FCER1A: variants seen among roughly 807,000 people sequenced by gnomAD.
FCER1A encodes the protein Fc epsilon receptor Ia.
Under a neutral mutation model 23.6 loss-of-function variants are expected in FCER1A, and 24 were observed. That is an observed-to-expected ratio of 1.02 (90% CI 0.74 to 1.43). The LOEUF (loss-of-function observed/expected upper bound fraction) is 1.43, where lower values mean the gene tolerates loss of function less well. Ranked by LOEUF, FCER1A falls within the 40% of genes most tolerant of loss-of-function variation. FCER1A has a pLI of 0.00. For synonymous variants in FCER1A, 121 were observed against 108.8 expected, an observed-to-expected ratio of 1.11 and a Z score of -0.70; for missense variants, 318 against 294.5, an observed-to-expected ratio of 1.08 and a Z score of -0.58.
upstream of FCER1A, among the ~76,000 whole-genome samples, chr1:159,302,091 C>T (rs1652445940): frequency 6.6e-6 from 1 of 152,142 alleles, no homozygotes; most frequent in Admixed American, 6.6e-5. Context: ...TTAAGAAAGG[C>T]TTGTGATTGT....
chr1:159,302,577 A>G (rs1025578633), intron 1 of FCER1A, among the ~76,000 whole-genome samples, 158 bp downstream of exon 1: 1 of 152,334 alleles, frequency 6.6e-6, no homozygotes, highest in Middle Eastern at 3.4e-3. Context: ...GCTAGAAAGC[A>G]GAGGCAAGTG....
chr1:159,302,520 A>T lies in FCER1A; in HGVS notation c.55+101A>T, dbSNP rs1000856592. On this transcript the variant is annotated intron_variant, in intron 1 of 4. Transcript: ENST00000693622. ...TGTGGGTGGTGACTTTTTCTAGGAC[A>T]TGTGCAAACTATTGGGCATTTCCCA... 40 of 865,062 alleles carry T rather than the reference A, an allele frequency of 4.6e-5. No homozygotes were observed. In the Middle Eastern group the frequency reaches 8.8e-4, roughly 19 times the overall value. 53.6% of individuals were successfully genotyped at this position (865,062 alleles called of 1,614,324 possible). A position where few individuals can be genotyped will look rare whatever the true frequency, so the allele number is the denominator to read the frequency against.
At position 159,302,841 on chromosome 1, in the gene FCER1A, T is replaced by G; in HGVS notation, c.56-13T>G. The G allele has an allele frequency of 3.1e-6, 5 of 1,613,532 alleles. No homozygotes were observed. The highest frequency in any genetic ancestry group is 4.2e-6 in the Non-Finnish European group (5 of 1,179,380). ...CTGCTGGACACTAATGTATCCTCTC[T>G]GGACTTTTGCAGCTCCAGATGGCGT... On this transcript the variant is annotated splice_polypyrimidine_tract_variant and intron_variant, in intron 1 of 4. Coordinates refer to ENST00000693622, the MANE Select transcript of FCER1A (RefSeq NM_001387280.1).
intron 4 of FCER1A, among the ~76,000 whole-genome samples, chr1:159,306,587 G>A (rs187545230): frequency 4.6e-5 from 7 of 152,202 alleles, no homozygotes; most frequent in Non-Finnish European, 1.0e-4. Context: ...GCTCCTGGGG[G>A]AACACTTATA....
chr1:159,297,838 C>T (rs914803242), upstream of FCER1A, among the ~76,000 whole-genome samples: 7 of 151,820 alleles, frequency 4.6e-5, no homozygotes, highest in Admixed American at 1.3e-4. Context: ...CCTGGCAGTC[C>T]GAGACTAGCT....
chr1:159,290,282 G>A (rs1162585266), intron 1 of FCER1A, among the ~76,000 whole-genome samples: 1 of 152,036 alleles, frequency 6.6e-6, no homozygotes, highest in African/African-American at 2.4e-5. Flanking sequence ...TTTCCTTTAT[G>A]CCCACCTAAC....
rs749102254 is a variant in FCER1A at position 159,302,845 on chromosome 1, C to G, written c.56-9C>G. On this transcript the variant is annotated splice_polypyrimidine_tract_variant and intron_variant, in intron 1 of 4. Transcript: ENST00000693622. ...TGGACACTAATGTATCCTCTCTGGA[C>G]TTTTGCAGCTCCAGATGGCGTGTTA... is the stretch of plus-strand genomic sequence containing the variant. The G allele has an allele frequency of 6.2e-7, 1 of 1,613,458 alleles. No homozygotes were observed. The highest frequency in any genetic ancestry group is 1.1e-5 in the South Asian group (1 of 91,062).
chr1:159,283,599 G>C, the FCER1A span, among the ~76,000 whole-genome samples: 1 of 152,194 alleles, frequency 6.6e-6, no homozygotes, highest in Non-Finnish European at 1.5e-5. Context: ...TCTACTCAGA[G>C]AAAGCAGGTG....
chr1:159,294,751 A>G (rs2102219851), intron 1 of FCER1A, among the ~76,000 whole-genome samples: 1 of 152,286 alleles, frequency 6.6e-6, no homozygotes, highest in African/African-American at 2.4e-5. Context: ...TTTTTGTGTT[A>G]GTTTTAGTGA....
At position 159,307,971 on chromosome 1, in the gene FCER1A, TC is replaced by T. The variant is rs750349173; in HGVS notation, c.*41del. 1 of 1,495,270 alleles carries T rather than the reference TC, an allele frequency of 6.7e-7. No homozygotes were observed. The highest frequency in any genetic ancestry group is 9.2e-7 in the Non-Finnish European group (1 of 1,089,054). 92.6% of individuals were successfully genotyped at this position (1,495,270 alleles called of 1,614,324 possible). On this transcript the variant is annotated 3_prime_UTR_variant, in exon 5 of 5. Transcript: ENST00000693622. ...GAAATATTTGCAACATTAGTTTTTT[TC>T]CAGCATCAGCAATTGCTACTCAATT...
intron 1 of FCER1A, among the ~76,000 whole-genome samples, chr1:159,292,433 T>A (rs1454821462): frequency 6.6e-6 from 1 of 152,114 alleles, no homozygotes; most frequent in African/African-American, 2.4e-5. Flanking sequence ...AATTTAAGAA[T>A]CATATTTTAT....
chr1:159,302,400 T>C lies in FCER1A; in HGVS notation c.36T>C (p.Cys12=), dbSNP rs1342097377. The change falls in exon 1 of 5, where the codon TGT becomes TGC. Residue 12 remains cysteine (C), a synonymous_variant. Transcript: ENST00000693622. ...APAMESPTLL[C]VALLFFAPDG... is the part of the protein sequence containing the mutation. ...CCATGGAATCCCCTACTCTACTGTG[T>C]GTAGCCTTACTGTTCTTCGGTAAGT... 1.9e-6 allele frequency: 3 copies of C among 1,610,912 alleles called. No individual in the cohort carries two copies. The highest frequency in any genetic ancestry group is 1.7e-5 in the Admixed American group (1 of 60,020).
intron 1 of FCER1A, among the ~76,000 whole-genome samples, chr1:159,290,473 T>C (rs940997571): frequency 6.6e-6 from 1 of 152,202 alleles, no homozygotes; most frequent in African/African-American, 2.4e-5. Flanking sequence ...AGTCAAAAGA[T>C]GACCACAAAC....
At position 159,307,781 on chromosome 1, in the gene FCER1A, T is replaced by C; in HGVS notation, c.623T>C (p.Ile208Thr). The change falls in exon 5 of 5, where the codon ATC becomes ACC. Residue 208 changes from isoleucine to threonine, a missense_variant. By Grantham distance (89) the Ile-to-Thr change is moderately conservative. Transcript: ENST00000693622. ...GAGAAGTACTGGCTACAATTTTTTA[T>C]CCCATTGTTGGTGGTGATTCTGTTT... ...PREKYWLQFFIPLLVVILFAV... is the reference protein window; with the variant it reads ...PREKYWLQFFTPLLVVILFAV... 1 of 1,611,970 alleles carries C rather than the reference T, an allele frequency of 6.2e-7. No individual in the cohort carries two copies.
At position 159,294,864 on chromosome 1, in the gene FCER1A, A is replaced by G. The variant is rs1283566721; in HGVS notation, c.-60+5111A>G. On this transcript the variant is annotated intron_variant, in intron 1 of 5. Coordinates refer to the FCER1A transcript ENST00000368115. Reference sequence around the variant, plus strand: ...TTGCCTGTTTGGAAAAGTATATTATAAAAAACACTATTAATAAACTTCAAG... The same window carrying G: ...TTGCCTGTTTGGAAAAGTATATTATGAAAAACACTATTAATAAACTTCAAG... Among the ~76,000 whole-genome samples the G allele has an allele frequency of 2.0e-5, 3 of 152,180 alleles. No homozygotes were observed. In the East Asian group the frequency reaches 5.8e-4, roughly 29 times the overall value.
intron 3 of FCER1A, among the ~76,000 whole-genome samples, chr1:159,305,248 C>A (rs911145247): frequency 1.3e-5 from 2 of 152,186 alleles, no homozygotes; most frequent in Non-Finnish European, 2.9e-5. Context: ...ATTAATTATG[C>A]TTATTATGCT....
At chr1:159,284,776 TTAA>T (rs1164440337), upstream of FCER1A, among the ~76,000 whole-genome samples, 1 of 152,216 alleles carries the variant, frequency 6.6e-6, no homozygotes, top group African/African-American at 2.4e-5. Flanking sequence ...TTTCTTCTTT[TTAA>T]TAATATGAGA....
At chr1:159,287,923 A>G (rs1255809813), upstream of FCER1A, among the ~76,000 whole-genome samples, 1 of 151,990 alleles carries the variant, frequency 6.6e-6, no homozygotes, top group Non-Finnish European at 1.5e-5. Flanking sequence ...TTAAAAATCT[A>G]AGCATGCTCT....
At chr1:159,304,537 G>C (rs148141670) in intron 3 of FCER1A, among the ~76,000 whole-genome samples, 6,628 of 152,232 alleles carry the variant, frequency 0.044, 177 homozygotes, top group Middle Eastern at 0.1. Context: ...AACCCAGGAG[G>C]TGGAGGTTGC....
Sources: gnomAD v4.1 joint callset for allele counts (sites outside exome capture counted in the v4.1 genomes callset) on GRCh38, gnomAD v4.1.1 for gene constraint, MANE v1.5 for transcripts, NCBI Gene and HGNC (gene_info 2026-07-23, HGNC 2026-07-21) for gene names.